The following ACVR1 variants were observed in gnomAD, a reference collection of about 807,000 sequenced individuals.
ACVR1 encodes activin A receptor type 1, also known as activin receptor type-1.
A neutral mutation model predicts 57.1 loss-of-function variants in ACVR1; 38 were observed. The ratio of observed to expected loss-of-function variants is 0.67; its 90% CI spans 0.51 to 0.87. The LOEUF (loss-of-function observed/expected upper bound fraction) is 0.87, where lower values mean the gene tolerates loss of function less well. Among genes scored for constraint, ACVR1 ranks in the 40% least tolerant of loss-of-function variants. The pLI, the probability that ACVR1 is intolerant of heterozygous loss-of-function variation, is 0.00. For synonymous variants in ACVR1, 212 were observed against 228.1 expected (o/e 0.93, Z 0.63); for missense variants, 463 against 638.2 (o/e 0.73, Z 2.96).
At chr2:157,769,720 C>T (rs1686004933) in intron 7 of ACVR1, among the ~76,000 whole-genome samples, 1 of 152,208 alleles carries the variant, frequency 6.6e-6, no homozygotes, top group South Asian at 2.1e-4. Context: ...CTCCAGGCAG[C>T]ATTCACCATA....
intron 1 of ACVR1, among the ~76,000 whole-genome samples, chr2:157,872,876 C>T (rs911596321): frequency 6.6e-6 from 1 of 152,194 alleles, no homozygotes; most frequent in African/African-American, 2.4e-5. Flanking sequence ...ACATCACCAA[C>T]ACTGTATCAT....
At chr2:157,852,473 TG>T (rs1209667630) in intron 1 of ACVR1, among the ~76,000 whole-genome samples, 3 of 136,052 alleles carry the variant, frequency 2.2e-5, no homozygotes, top group African/African-American at 8.5e-5. Context: ...CTATACAGCC[TG>T]GATGACAGAG....
intron 1 of ACVR1, among the ~76,000 whole-genome samples, chr2:157,847,830 G>A (rs990953464): frequency 4.6e-5 from 7 of 152,180 alleles, no homozygotes; most frequent in Non-Finnish European, 8.8e-5. Flanking sequence ...GAACTGGGGA[G>A]GGGGCGAGGA....
At chr2:157,845,832 C>CTGTAT (rs1461977685) in intron 1 of ACVR1, among the ~76,000 whole-genome samples, 1 of 152,196 alleles carries the variant, frequency 6.6e-6, no homozygotes, top group Non-Finnish European at 1.5e-5. Flanking sequence ...GCCCTATTAA[C>CTGTAT]TGTATTAGCC....
At chr2:157,837,787 A>G (rs1688835819) in intron 1 of ACVR1, among the ~76,000 whole-genome samples, 1 of 152,160 alleles carries the variant, frequency 6.6e-6, no homozygotes, top group Non-Finnish European at 1.5e-5. Context: ...GAAAATGGGC[A>G]AAAGTAGGAG....
intron 1 of ACVR1, among the ~76,000 whole-genome samples, chr2:157,867,935 T>C (rs758900082): frequency 1.3e-5 from 2 of 152,104 alleles, no homozygotes; most frequent in Non-Finnish European, 2.9e-5. Flanking sequence ...AATGAGATAA[T>C]GAAAGGGGCC....
At chr2:157,865,582 G>A (rs551089439) in intron 1 of ACVR1, among the ~76,000 whole-genome samples, 166 of 151,930 alleles carry the variant, frequency 1.1e-3, no homozygotes, top group African/African-American at 3.8e-3. Context: ...ACCTGAGGTC[G>A]GGAGTTGGAG....
At chr2:157,762,546 T>C (rs532849347) in intron 8 of ACVR1, among the ~76,000 whole-genome samples, 9 of 152,262 alleles carry the variant, frequency 5.9e-5, no homozygotes, top group African/African-American at 9.6e-5. Context: ...GCAGGTTAAA[T>C]AGAACATGGA....
chr2:157,808,458 A>C (rs928621641), intron 2 of ACVR1, among the ~76,000 whole-genome samples: 3 of 152,162 alleles, frequency 2.0e-5, no homozygotes, highest in East Asian at 1.9e-4. Flanking sequence ...ATTTGAGATA[A>C]ATTAAAAGAT....
chr2:157,859,769 G>A (rs902331372), intron 1 of ACVR1, among the ~76,000 whole-genome samples: 7 of 152,060 alleles, frequency 4.6e-5, no homozygotes, highest in African/African-American at 1.4e-4. Context: ...CCCACACTTC[G>A]ATTATCCCCC....
Position 157,821,823 on chromosome 2 carries a change from A to G in ACVR1, c.-182-3264T>C, listed in dbSNP as rs568636915. On this transcript the variant is annotated intron_variant, in intron 1 of 10. Transcript: ENST00000434821. ...ACTCTAATTTTGGGCATTTAACATT[A>G]CAGTACAGTTTTCTTCAATCCAGTT... Among the ~76,000 whole-genome samples, 9 of 152,372 alleles carry G rather than the reference A, an allele frequency of 5.9e-5. No individual in the cohort carries two copies. In the East Asian group the frequency reaches 1.5e-3, roughly 26 times the overall value.
chr2:157,814,752 T>C (rs1184104909), intron 2 of ACVR1, among the ~76,000 whole-genome samples: 1 of 152,132 alleles, frequency 6.6e-6, no homozygotes, highest in African/African-American at 2.4e-5. Flanking sequence ...GTTAAGTAAA[T>C]GACAGCACAT....
Position 157,790,727 on chromosome 2 carries a change from C to T in ACVR1, c.67+8700G>A, listed in dbSNP as rs374352321. On this transcript the variant is annotated intron_variant, in intron 3 of 10. Coordinates refer to ENST00000434821, the MANE Select transcript of ACVR1 (RefSeq NM_001111067.4). ...TGCCTTTGAAAATGGAGTATGTGTG[C>T]CTGCCTGTCCCTAAACTGCAGGAGG... 9.9e-5 allele frequency among the ~76,000 whole-genome samples: 15 copies of T among 152,258 alleles called. No homozygotes were observed. The South Asian group carries it at 3.1e-3, about 32-fold the overall frequency.
chr2:157,853,687 G>A (rs1388996165), intron 1 of ACVR1, among the ~76,000 whole-genome samples: 1 of 152,122 alleles, frequency 6.6e-6, no homozygotes, highest in East Asian at 1.9e-4. Flanking sequence ...TGTTTAGGAA[G>A]CAATAAGTAG....
At chr2:157,835,682 C>G (rs1332610296) in intron 1 of ACVR1, among the ~76,000 whole-genome samples, 1 of 152,164 alleles carries the variant, frequency 6.6e-6, no homozygotes, top group Admixed American at 6.5e-5. Context: ...TAATAAATTA[C>G]TTAGCAATAC....
At position 157,755,534 on chromosome 2, in the gene ACVR1, A is replaced by G. The variant is rs550164829; in HGVS notation, c.1264+5346T>C. On this transcript the variant is annotated intron_variant, in intron 9 of 10. Transcript: ENST00000434821. ...CAACAGCTGCAAATAATACCATACC[A>G]TACCATACCATACCATACCATACCA... Among the ~76,000 whole-genome samples, 382 of 71,306 alleles carry G rather than the reference A, an allele frequency of 5.4e-3. 3 individuals are homozygous for G. Among genetic ancestry groups the G allele is most frequent in the African/African-American group, 0.027 (291 of 10,692 alleles). The allele number at this position is 71,306 out of a possible 152,430, so 46.8% of individuals were successfully genotyped here. A position where few individuals can be genotyped will look rare whatever the true frequency, so the allele number is the denominator to read the frequency against.
At position 157,796,434 on chromosome 2, in the gene ACVR1, G is replaced by T. The variant is rs1487994921; in HGVS notation, c.67+2993C>A. On this transcript the variant is annotated intron_variant, in intron 3 of 10. Transcript: ENST00000434821. ...CTAGTTGTGGTGGCACAAGCCTGTG[G>T]TCCCAGCTACTCAGGAGGCTGACGT... Among the ~76,000 whole-genome samples the T allele has an allele frequency of 2.0e-5, 3 of 151,912 alleles. No individual in the cohort carries two copies. The East Asian group carries it at 5.8e-4, about 29-fold the overall frequency.
intron 1 of ACVR1, among the ~76,000 whole-genome samples, chr2:157,844,730 T>C (rs1689076506): frequency 6.6e-6 from 1 of 152,138 alleles, no homozygotes; most frequent in Non-Finnish European, 1.5e-5. Flanking sequence ...GTGGTCTGAA[T>C]GTTGGTGTCC....
chr2:157,832,344 G>A (rs937917446), intron 1 of ACVR1, among the ~76,000 whole-genome samples: 6 of 152,144 alleles, frequency 3.9e-5, no homozygotes, highest in African/African-American at 9.7e-5. Context: ...CAAAGGACAC[G>A]TGAGGTATCA....
Sources: allele counts gnomAD v4.1 joint callset (sites outside exome capture counted in the v4.1 genomes callset), GRCh38; gene constraint gnomAD v4.1.1; transcripts MANE v1.5; gene names NCBI Gene and HGNC (gene_info 2026-07-23, HGNC 2026-07-21).